TMEM184B: variants seen among roughly 807,000 people sequenced by gnomAD.
TMEM184B encodes transmembrane protein 184B.
A neutral mutation model predicts 41.8 loss-of-function variants in TMEM184B; 17 were observed. The ratio of observed to expected loss-of-function variants is 0.41; its 90% CI spans 0.28 to 0.61. TMEM184B has a LOEUF of 0.61. Among genes scored for constraint, TMEM184B ranks in the 20% least tolerant of loss-of-function variants. The pLI, the probability that TMEM184B is intolerant of heterozygous loss-of-function variation, is 0.34. For missense variants in TMEM184B, 393 were observed against 557.8 expected, an observed-to-expected ratio of 0.70 and a Z score of 2.98; for synonymous variants, 240 against 229.5, an observed-to-expected ratio of 1.05 and a Z score of -0.41.
At position 38,225,343 on chromosome 22, in the gene TMEM184B, G is replaced by A; in HGVS notation, c.787+81C>T. 6.8e-7 allele frequency: 1 copy of A among 1,472,366 alleles called. No homozygotes were observed. Among genetic ancestry groups the A allele is most frequent in the Non-Finnish European group, 9.1e-7 (1 of 1,103,902 alleles). The allele number at this position is 1,472,366 out of a possible 1,614,324, so 91.2% of individuals were successfully genotyped here. ...TCTGAACAGGCCCTACAGGCACCAG[G>A]GACCATAAGCAGAAGGGGCAGCAGG... On this transcript the variant is annotated intron_variant, in intron 7 of 8. Transcript: ENST00000361906. The surrounding 1 kb of genome is among the most constrained non-coding windows in gnomAD (Gnocchi z 4.4).
intron 3 of TMEM184B, among the ~76,000 whole-genome samples, chr22:38,237,445 G>C (rs900589822): frequency 6.6e-6 from 1 of 152,240 alleles, no homozygotes; most frequent in Non-Finnish European, 1.5e-5. Flanking sequence ...TGGGCACACT[G>C]GGCCATTCTA....
Position 38,225,014 on chromosome 22 carries a change from T to A in TMEM184B, c.788-35A>T, listed in dbSNP as rs761846278. On this transcript the variant is annotated intron_variant, in intron 7 of 8. Transcript: ENST00000361906. This position sits in a 1 kb window ranked among gnomAD's most constrained non-coding sequence, Gnocchi z 4.4. ...GAGGCACGGGTGTCTGGACCCAGAA[T>A]GATTCCTTTCCTGCTCCCCCTTCTT... 2.0e-6 allele frequency: 3 copies of A among 1,508,302 alleles called. No homozygotes were observed. The highest frequency in any genetic ancestry group is 2.7e-6 in the Non-Finnish European group (3 of 1,127,740). 93.4% of individuals were successfully genotyped at this position (1,508,302 alleles called of 1,614,324 possible).
downstream of TMEM184B, among the ~76,000 whole-genome samples, chr22:38,217,020 C>T (rs2091156895): frequency 1.3e-5 from 2 of 151,164 alleles, no homozygotes; most frequent in Admixed American, 6.6e-5. Flanking sequence ...CCCATCTCTA[C>T]AAGAAATTTA....
intron 3 of TMEM184B, among the ~76,000 whole-genome samples, chr22:38,238,377 G>A (rs1330966879): frequency 2.0e-5 from 3 of 151,380 alleles, no homozygotes; most frequent in Non-Finnish European, 2.9e-5. Context: ...AGGCATGCAC[G>A]ACCACGCCCA....
At position 38,219,766 on chromosome 22, in the gene TMEM184B, C is replaced by A. The variant is rs555572478; in HGVS notation, c.*1703G>T. 1.0e-6 allele frequency: 1 copy of A among 985,686 alleles called. No individual in the cohort carries two copies. The highest frequency in any genetic ancestry group is 1.7e-5 in the African/African-American group (1 of 57,382). 61.1% of individuals were successfully genotyped at this position (985,686 alleles called of 1,614,324 possible). A position where few individuals can be genotyped will look rare whatever the true frequency, so the allele number is the denominator to read the frequency against. Reference sequence around the variant, plus strand: ...CGGTGGAGAGACAGCTTGGTGAAAGCAGATGGCGGGGCAGGGCCAGGGCTG... The same window carrying A: ...CGGTGGAGAGACAGCTTGGTGAAAGAAGATGGCGGGGCAGGGCCAGGGCTG... On this transcript the variant is annotated 3_prime_UTR_variant, in exon 9 of 9. Coordinates refer to ENST00000361906, the MANE Select transcript of TMEM184B (RefSeq NM_012264.5).
At chr22:38,232,247 A>G (rs1015137802) in intron 3 of TMEM184B, 2 of 152,230 alleles carry the variant, frequency 1.3e-5, no homozygotes, top group Non-Finnish European at 2.9e-5. Context: ...TGGGCTGCTC[A>G]TTCTAAATTG....
At chr22:38,228,447 C>T (rs1569019293) in intron 5 of TMEM184B, among the ~76,000 whole-genome samples, 1 of 152,110 alleles carries the variant, frequency 6.6e-6, no homozygotes, top group South Asian at 2.1e-4. Flanking sequence ...GCCAGCAGGC[C>T]CCAGAATCAT....
chr22:38,226,041 G>A lies in TMEM184B; in HGVS notation c.618-448C>T, dbSNP rs2091426759. ...ACACAGTTCACAGACAGTGTGTGCC[G>A]AGAGCTTGAAAGCACAGGGCTAGAC... On this transcript the variant is annotated intron_variant, in intron 6 of 8. Coordinates refer to ENST00000361906, the MANE Select transcript of TMEM184B (RefSeq NM_012264.5). The surrounding 1 kb of genome is among the most constrained non-coding windows in gnomAD (Gnocchi z 4.6). Among the ~76,000 whole-genome samples the A allele has an allele frequency of 6.6e-6, 1 of 151,594 alleles. No individual in the cohort carries two copies. Among genetic ancestry groups the A allele is most frequent in the East Asian group, 1.9e-4 (1 of 5,166 alleles).
In TMEM184B at chr22:38,219,585, G is replaced by C. The variant is rs904826864; in HGVS notation, c.*1884C>G. On this transcript the variant is annotated 3_prime_UTR_variant, in exon 9 of 9. Coordinates refer to ENST00000361906, the MANE Select transcript of TMEM184B (RefSeq NM_012264.5). The stretch of plus-strand genomic sequence containing the variant: ...CCTAAGGAGGAGGAGGGGATGGAGC[G>C]GTCGGGCACATGTTCCCGTCCCCAC... The C allele has an allele frequency of 1.0e-5, 10 of 984,976 alleles. No individual in the cohort carries two copies. Among genetic ancestry groups the C allele is most frequent in the Non-Finnish European group, 1.2e-5 (10 of 829,882 alleles). The allele number at this position is 984,976 out of a possible 1,614,324, so 61.0% of individuals were successfully genotyped here.
At chr22:38,252,062 A>AT (rs61385474) in intron 1 of TMEM184B, among the ~76,000 whole-genome samples, 11,190 of 142,786 alleles carry the variant, frequency 0.078, 1,408 homozygotes, top group African/African-American at 0.27. Flanking sequence ...TGTCCAACAA[A>AT]TTTTTTTTTT....
rs1569016064 is a variant in TMEM184B at position 38,226,168 on chromosome 22, C to G, written c.618-575G>C. Among the ~76,000 whole-genome samples, 1 of 152,014 alleles carries G rather than the reference C, an allele frequency of 6.6e-6. No individual in the cohort carries two copies. Among genetic ancestry groups the G allele is most frequent in the South Asian group, 2.1e-4 (1 of 4,806 alleles). ...GATCTTGGCTCACCGCAACCTCTGC[C>G]TCCTGGGTTCAAGCGATTCTCCTGC... is the stretch of plus-strand genomic sequence containing the variant. On this transcript the variant is annotated intron_variant, in intron 6 of 8. Coordinates refer to ENST00000361906, the MANE Select transcript of TMEM184B (RefSeq NM_012264.5). The surrounding 1 kb of genome is among the most constrained non-coding windows in gnomAD (Gnocchi z 4.6).
At chr22:38,228,735 G>C (rs1323660613) in intron 5 of TMEM184B, among the ~76,000 whole-genome samples, 1 of 152,184 alleles carries the variant, frequency 6.6e-6, no homozygotes, top group Non-Finnish European at 1.5e-5. Flanking sequence ...GTAAAGAAAG[G>C]AAGAGGCCTC....
In TMEM184B at chr22:38,219,636, C is replaced by A. The variant is rs2091205329; in HGVS notation, c.*1833G>T. 1.0e-6 allele frequency: 1 copy of A among 985,536 alleles called. No homozygotes were observed. Among genetic ancestry groups the A allele is most frequent in the South Asian group, 4.7e-5 (1 of 21,292 alleles). The allele number at this position is 985,536 out of a possible 1,614,324, so 61.0% of individuals were successfully genotyped here. On this transcript the variant is annotated 3_prime_UTR_variant, in exon 9 of 9. Transcript: ENST00000361906. ...GACCCCACGGACCGCTGATTCCCTG[C>A]CACTGAGCTCCCCCCACCCTCCACG...
intron 5 of TMEM184B, 87 bp downstream of exon 5, chr22:38,230,570 AAAGGGGACCTCT>A: frequency 7.9e-7 from 1 of 1,263,648 alleles, no homozygotes; most frequent in Non-Finnish European, 1.1e-6. Context: ...GCCTCATAGG[AAAGGGGACCTCT>A]AAGGTGGGGC....
intron 3 of TMEM184B, among the ~76,000 whole-genome samples, chr22:38,242,716 G>C (rs2091939213): frequency 6.6e-6 from 1 of 152,224 alleles, no homozygotes; most frequent in Admixed American, 6.5e-5. Context: ...AGGACCCAGA[G>C]CAGTGGTGCA....
chr22:38,251,607 T>C (rs2092164041), intron 1 of TMEM184B, among the ~76,000 whole-genome samples: 1 of 152,098 alleles, frequency 6.6e-6, no homozygotes, highest in Non-Finnish European at 1.5e-5. Context: ...CACAGTGTGT[T>C]GGGGCTGGGG....
chr22:38,219,347 G>A lies in TMEM184B; in HGVS notation c.*2122C>T. 1.0e-6 allele frequency: 1 copy of A among 985,734 alleles called. No individual in the cohort carries two copies. The allele number at this position is 985,734 out of a possible 1,614,324, so 61.1% of individuals were successfully genotyped here. Reference sequence around the variant, plus strand: ...TATAGATTTCTTCCTCACTTTATTTGCTCACTTCTGTCACGCATTTAAAAT... The same window carrying A: ...TATAGATTTCTTCCTCACTTTATTTACTCACTTCTGTCACGCATTTAAAAT... On this transcript the variant is annotated 3_prime_UTR_variant, in exon 9 of 9. Coordinates refer to ENST00000361906, the MANE Select transcript of TMEM184B (RefSeq NM_012264.5).
intron 1 of TMEM184B, among the ~76,000 whole-genome samples, chr22:38,254,529 G>A (rs1178634701): frequency 6.6e-6 from 1 of 152,062 alleles, no homozygotes; most frequent in Admixed American, 6.6e-5. Context: ...GAACCCGGGA[G>A]GTGGAGCTTG....
chr22:38,221,247 G>C lies in TMEM184B; in HGVS notation c.*222C>G. On this transcript the variant is annotated 3_prime_UTR_variant, in exon 9 of 9. Coordinates refer to ENST00000361906, the MANE Select transcript of TMEM184B (RefSeq NM_012264.5). ...CTCCCAGTGTCCTCTGCCCTCGCCCGGGCAGTGCAGGCTGGGCCATGTATA... is the reference window on the plus strand; with the variant it reads ...CTCCCAGTGTCCTCTGCCCTCGCCCCGGCAGTGCAGGCTGGGCCATGTATA... 7.1e-7 allele frequency: 1 copy of C among 1,405,092 alleles called. No individual in the cohort carries two copies. Among genetic ancestry groups the C allele is most frequent in the African/African-American group, 1.5e-5 (1 of 68,944 alleles). The allele number at this position is 1,405,092 out of a possible 1,614,324, so 87.0% of individuals were successfully genotyped here. A position where few individuals can be genotyped will look rare whatever the true frequency, so the allele number is the denominator to read the frequency against.
Sources: allele counts gnomAD v4.1 joint callset (sites outside exome capture counted in the v4.1 genomes callset), GRCh38; gene constraint gnomAD v4.1.1; non-coding constraint Gnocchi (gnomAD v3.1); transcripts MANE v1.5; gene names NCBI Gene and HGNC (gene_info 2026-07-23, HGNC 2026-07-21).